The following ZNF91 variants were observed in gnomAD, a reference collection of about 807,000 sequenced individuals.
ZNF91 encodes the protein zinc finger protein 91 (HPF7, HTF10).
Under a neutral mutation model 12.6 loss-of-function variants are expected in ZNF91, and 7 were observed. That is an observed-to-expected ratio of 0.55 (90% CI 0.31 to 1.04). ZNF91 has a LOEUF of 1.04. Ranked by LOEUF, ZNF91 falls within the 50% of genes least tolerant of loss-of-function variation. The pLI, the probability that ZNF91 is intolerant of heterozygous loss-of-function variation, is 0.05. For synonymous variants in ZNF91, 453 were observed against 462.6 expected, an observed-to-expected ratio of 0.98 and a Z score of 0.27; for missense variants, 1,217 against 1,385.4, an observed-to-expected ratio of 0.88 and a Z score of 1.93.
intron 1 of ZNF91, among the ~76,000 whole-genome samples, chr19:23,394,763 C>G (rs527919077): frequency 1.3e-5 from 2 of 152,222 alleles, no homozygotes; most frequent in African/African-American, 4.8e-5. Flanking sequence ...CATAACTGTA[C>G]CTAGCAAATT....
downstream of ZNF91, among the ~76,000 whole-genome samples, chr19:23,335,326 G>T (rs1164314405): frequency 1.3e-5 from 2 of 152,148 alleles, no homozygotes; most frequent in Non-Finnish European, 2.9e-5. Context: ...ACTCTGTGCT[G>T]GGAGAACCAC....
chr19:23,358,978 T>C lies in ZNF91; in HGVS notation c.*425A>G, dbSNP rs958990760. 1.7e-5 allele frequency: 7 copies of C among 413,226 alleles called. No individual in the cohort carries two copies. The highest frequency in any genetic ancestry group is 2.8e-5 in the Non-Finnish European group (6 of 215,324). 25.6% of individuals were successfully genotyped at this position (413,226 alleles called of 1,614,324 possible). A position where few individuals can be genotyped will look rare whatever the true frequency, so the allele number is the denominator to read the frequency against. On this transcript the variant is annotated 3_prime_UTR_variant, in exon 4 of 4. Coordinates refer to ENST00000300619, the MANE Select transcript of ZNF91 (RefSeq NM_003430.4). ...TTTCTCTCCAATATGAGTTATCTTA[T>C]CTGTAGTAAGGTGTGAAAACTGGTT...
intron 3 of ZNF91, among the ~76,000 whole-genome samples, chr19:23,341,055 A>AT (rs199646954): frequency 0.13 from 17,587 of 138,576 alleles, 1,730 homozygotes; most frequent in East Asian, 0.42. Context: ...TAAAACTGCC[A>AT]TTTTTTTTTT....
intron 3 of ZNF91, among the ~76,000 whole-genome samples, chr19:23,365,722 C>A (rs1968977892): frequency 6.6e-6 from 1 of 152,086 alleles, no homozygotes; most frequent in Non-Finnish European, 1.5e-5. Context: ...CGGCCTTCCG[C>A]AGTGTTTGTG....
chr19:23,382,049 CAAAAAAA>C (rs60814223), intron 1 of ZNF91, among the ~76,000 whole-genome samples: 3 of 79,400 alleles, frequency 3.8e-5, no homozygotes, highest in Non-Finnish European at 5.4e-5. Flanking sequence ...AATCCTGAGA[CAAAAAAA>C]AAAAAAAAAA....
At chr19:23,321,653 C>T (rs12463332) in intron 1 of ZNF91, among the ~76,000 whole-genome samples, 19,330 of 151,944 alleles carry the variant, frequency 0.13, 1,982 homozygotes, top group East Asian at 0.43. Flanking sequence ...GTATTGTGAC[C>T]TATTGCTGGG....
chr19:23,370,020 C>G (rs1311965577), intron 3 of ZNF91, among the ~76,000 whole-genome samples: 4 of 131,148 alleles, frequency 3.0e-5, no homozygotes. Context: ...AAAAAAAAAG[C>G]AAAAAACAAA....
At position 23,361,683 on chromosome 19, in the gene ZNF91, T is replaced by C. The variant is rs776686328; in HGVS notation, c.1296A>G (p.Lys432=). ...TIHKFIHTGE[K]PYKCEECGKA... is the part of the protein sequence containing the mutation. ...TGCCACATTCTTCACACTTGTAAGG[T>C]TTCTCTCCAGTATGAATAAACTTAT... The change falls in exon 4 of 4, where the codon AAA becomes AAG. Residue 432 remains lysine, a synonymous_variant. Coordinates refer to ENST00000300619, the MANE Select transcript of ZNF91 (RefSeq NM_003430.4). 1.6e-5 allele frequency: 26 copies of C among 1,612,004 alleles called. No individual in the cohort carries two copies. The highest frequency in any genetic ancestry group is 6.7e-5 in the Admixed American group (4 of 59,762).
chr19:23,383,665 G>C (rs1568402065), intron 1 of ZNF91, among the ~76,000 whole-genome samples: 1 of 151,596 alleles, frequency 6.6e-6, no homozygotes. Context: ...TCCAGCATGA[G>C]AGACAAAGGG....
At chr19:23,363,564 A>G (rs904399834) in intron 3 of ZNF91, among the ~76,000 whole-genome samples, 7 of 152,240 alleles carry the variant, frequency 4.6e-5, no homozygotes, top group African/African-American at 1.4e-4. Context: ...AGTTGTTTTC[A>G]AACTATGCCA....
chr19:23,333,045 C>T (rs540190916), intron 1 of ZNF91, among the ~76,000 whole-genome samples: 13 of 152,116 alleles, frequency 8.5e-5, no homozygotes, highest in Non-Finnish European at 1.3e-4. Flanking sequence ...ATGGACTCTG[C>T]GATTCTGCTG....
Position 23,374,771 on chromosome 19 carries a change from A to C in ZNF91, c.31-7T>G, listed in dbSNP as rs967195913. 1.2e-6 allele frequency: 2 copies of C among 1,606,762 alleles called. No homozygotes were observed. The highest frequency in any genetic ancestry group is 2.7e-5 in the African/African-American group (2 of 74,710). On this transcript the variant is annotated splice_region_variant and splice_polypyrimidine_tract_variant and intron_variant, in intron 1 of 3. Transcript: ENST00000300619. ...CCCTAAATGTCAACAGTCCCTGAAA[A>C]ACACACACAAACACACATATTTACA... is the stretch of plus-strand genomic sequence containing the variant.
chr19:23,355,172 A>G (rs1968455545), downstream of ZNF91, among the ~76,000 whole-genome samples: 1 of 152,222 alleles, frequency 6.6e-6, no homozygotes, highest in African/African-American at 2.4e-5. Context: ...AAGCAAAAAG[A>G]ACAAATCTGG....
chr19:23,338,224 T>C (rs1389489932), downstream of ZNF91: 2 of 151,900 alleles, frequency 1.3e-5, no homozygotes, highest in African/African-American at 4.8e-5. Context: ...AATCAGAATA[T>C]CTAAAGTCAA....
chr19:23,381,738 G>A (rs1459583823), intron 1 of ZNF91, among the ~76,000 whole-genome samples: 4 of 152,102 alleles, frequency 2.6e-5, no homozygotes, highest in Non-Finnish European at 4.4e-5. Flanking sequence ...GGGATTACCA[G>A]CATGAGCCAC....
At chr19:23,356,206 C>T (rs571972251), downstream of ZNF91, among the ~76,000 whole-genome samples, 7 of 152,230 alleles carry the variant, frequency 4.6e-5, no homozygotes, top group Middle Eastern at 3.4e-3. Flanking sequence ...ATTTGAAAAA[C>T]GTACTTGCAG....
intron 1 of ZNF91, among the ~76,000 whole-genome samples, chr19:23,388,995 T>C (rs1400136423): frequency 6.6e-6 from 1 of 151,868 alleles, no homozygotes; most frequent in African/African-American, 2.4e-5. Flanking sequence ...TGACGCCTAG[T>C]TGAGGGTGGA....
intron 1 of ZNF91, among the ~76,000 whole-genome samples, chr19:23,375,895 G>A (rs951840097): frequency 5.3e-5 from 8 of 152,172 alleles, no homozygotes; most frequent in African/African-American, 1.9e-4. Flanking sequence ...GTATGCTGAT[G>A]CACCATATTG....
intron 1 of ZNF91, among the ~76,000 whole-genome samples, chr19:23,316,152 A>G (rs1967553396): frequency 6.7e-6 from 1 of 148,592 alleles, no homozygotes; most frequent in Non-Finnish European, 1.5e-5. Context: ...TTGACCCAGC[A>G]TCTAGGTGAG....
Sources: gnomAD v4.1 joint callset for allele counts (sites outside exome capture counted in the v4.1 genomes callset) on GRCh38, gnomAD v4.1.1 for gene constraint, MANE v1.5 for transcripts, NCBI Gene and HGNC (gene_info 2026-07-23, HGNC 2026-07-21) for gene names.